Variants in TTC27 observed in about 807,000 individuals in gnomAD.
TTC27 encodes the protein tetratricopeptide repeat domain 27.
Under a neutral mutation model 115.9 loss-of-function variants are expected in TTC27, and 79 were observed. The observed-to-expected ratio is 0.68, with a 90% CI of 0.57 to 0.82. The LOEUF is 0.82. Among genes scored for constraint, TTC27 ranks in the 40% least tolerant of loss-of-function variants. The pLI, the probability that TTC27 is intolerant of heterozygous loss-of-function variation, is 0.00. For synonymous variants in TTC27, 401 were observed against 356.0 expected (o/e 1.13, Z -1.42); for missense variants, 1,054 against 993.1 (o/e 1.06, Z -0.82).
At chr2:32,814,100 T>C (rs759060410) in intron 18 of TTC27, among the ~76,000 whole-genome samples, 2 of 152,202 alleles carry the variant, frequency 1.3e-5, no homozygotes, top group Non-Finnish European at 2.9e-5. Context: ...ATTTATCTTA[T>C]CTACTTCAAC....
chr2:32,738,600 G>A (rs187845375), intron 12 of TTC27, among the ~76,000 whole-genome samples: 1 of 152,322 alleles, frequency 6.6e-6, no homozygotes, highest in Non-Finnish European at 1.5e-5. Context: ...TGGACAAGGT[G>A]TCAGCACTAC....
At chr2:32,700,202 T>A (rs1667136643) in intron 9 of TTC27, among the ~76,000 whole-genome samples, 1 of 152,150 alleles carries the variant, frequency 6.6e-6, no homozygotes, top group African/African-American at 2.4e-5. Context: ...TCCATTAAGC[T>A]TTACTTATTC....
At position 32,751,428 on chromosome 2, in the gene TTC27, C is replaced by G. The variant is rs572085768; in HGVS notation, c.1453-6864C>G. 1.8e-3 allele frequency among the ~76,000 whole-genome samples: 267 copies of G among 152,124 alleles called. 1 individual carries two copies. The highest frequency in any genetic ancestry group is 3.5e-3 in the South Asian group (17 of 4,822). On this transcript the variant is annotated intron_variant, in intron 12 of 19. Transcript: ENST00000317907. ...TACGCTTCAGGGGCTTTTGCTTGGC[C>G]CTTTTTACTGTAGTAGCACTTAGTA...
At chr2:32,804,026 A>G (rs961835262) in intron 16 of TTC27, among the ~76,000 whole-genome samples, 7 of 150,336 alleles carry the variant, frequency 4.7e-5, no homozygotes, top group Non-Finnish European at 1.0e-4. Flanking sequence ...AAAAAAAAAG[A>G]AAAAAATGCA....
At chr2:32,768,147 T>C (rs1669702664) in intron 13 of TTC27, among the ~76,000 whole-genome samples, 1 of 152,230 alleles carries the variant, frequency 6.6e-6, no homozygotes, top group Non-Finnish European at 1.5e-5. Flanking sequence ...ATTATGGAAA[T>C]GTACAAAATT....
chr2:32,714,508 T>A (rs1047896920), intron 10 of TTC27, among the ~76,000 whole-genome samples: 7 of 152,170 alleles, frequency 4.6e-5, no homozygotes, highest in Non-Finnish European at 1.0e-4. Context: ...GAATTTAGGT[T>A]GAGTCCATGC....
At chr2:32,717,404 G>A (rs1407171408) in intron 10 of TTC27, among the ~76,000 whole-genome samples, 2 of 152,172 alleles carry the variant, frequency 1.3e-5, no homozygotes, top group Non-Finnish European at 2.9e-5. Context: ...GCAGTGCTCC[G>A]TGTCTAAGTG....
rs55921488 is a variant in TTC27 at position 32,669,384 on chromosome 2, A to C, written c.939+2616A>C. Among the ~76,000 whole-genome samples the C allele has an allele frequency of 2.3e-3, 356 of 152,374 alleles. 1 individual carries two copies. Among genetic ancestry groups the C allele is most frequent in the African/African-American group, 8.1e-3 (337 of 41,598 alleles). ...CTTGAAGATGGAGAGTACAAGTTGT[A>C]TGCTGTAGGTATGGATTAGATAGAA... is the stretch of plus-strand genomic sequence containing the variant. On this transcript the variant is annotated intron_variant, in intron 7 of 19. Transcript: ENST00000317907.
intron 10 of TTC27, among the ~76,000 whole-genome samples, chr2:32,714,488 C>G (rs1418526906): frequency 6.6e-6 from 1 of 152,142 alleles, no homozygotes; most frequent in Non-Finnish European, 1.5e-5. Context: ...ATTTAGTCTA[C>G]TGTTGATGGG....
intron 9 of TTC27, 45 bp from the exon 10 acceptor site, chr2:32,702,762 T>C (rs1559213188): frequency 7.8e-7 from 1 of 1,290,196 alleles, no homozygotes; most frequent in South Asian, 1.2e-5. Flanking sequence ...TGAGATCACC[T>C]AGCTTATCTC....
chr2:32,754,826 G>GA (rs1346365826), intron 12 of TTC27, among the ~76,000 whole-genome samples: 2 of 67,336 alleles, frequency 3.0e-5, no homozygotes, highest in African/African-American at 9.3e-5. Context: ...CGGGGGGGCT[G>GA]ACCCCCCCCA....
intron 1 of TTC27, 127 bp downstream of exon 1, chr2:32,628,507 G>A (rs925932498): frequency 1.0e-6 from 1 of 973,468 alleles, no homozygotes; most frequent in Non-Finnish European, 1.4e-6. Flanking sequence ...TTGAGGCTTT[G>A]GGTCGTTTAG....
Position 32,817,568 on chromosome 2 carries a change from CAT to C in TTC27, c.2409+12_2409+13del, listed in dbSNP as rs767405498. 6.2e-6 allele frequency: 10 copies of C among 1,603,678 alleles called. No homozygotes were observed. In the East Asian group the frequency reaches 2.0e-4, roughly 32 times the overall value. On this transcript the variant is annotated intron_variant, in intron 19 of 19. Coordinates refer to ENST00000317907, the MANE Select transcript of TTC27 (RefSeq NM_017735.5). The stretch of plus-strand genomic sequence containing the variant: ...TTATCTAAAGCAAAGGTGAGAGTGA[CAT>C]GTGAATTAATTGGAATTGTCATATA...
intron 9 of TTC27, among the ~76,000 whole-genome samples, chr2:32,701,393 A>G (rs1231194961): frequency 6.6e-6 from 1 of 152,226 alleles, no homozygotes; most frequent in African/African-American, 2.4e-5. Flanking sequence ...AAATGAGCAC[A>G]AGTTTATTTA....
At chr2:32,704,344 G>A (rs1398897688) in intron 10 of TTC27, among the ~76,000 whole-genome samples, 1 of 151,900 alleles carries the variant, frequency 6.6e-6, no homozygotes, top group Non-Finnish European at 1.5e-5. Flanking sequence ...ACACCACCAT[G>A]CCCGGCTAAT....
chr2:32,686,515 A>G (rs904842652), intron 9 of TTC27, among the ~76,000 whole-genome samples: 8 of 151,960 alleles, frequency 5.3e-5, no homozygotes, highest in Non-Finnish European at 1.2e-4. Flanking sequence ...GTGAACCACC[A>G]CGCCTAGCTG....
intron 18 of TTC27, among the ~76,000 whole-genome samples, chr2:32,817,106 A>C (rs1329716655): frequency 1.3e-5 from 2 of 152,132 alleles, no homozygotes; most frequent in South Asian, 2.1e-4. Context: ...TTAAAGAAGG[A>C]TAGAGAAAGG....
intron 12 of TTC27, among the ~76,000 whole-genome samples, chr2:32,739,369 A>G (rs978182003): frequency 6.6e-6 from 1 of 152,234 alleles, no homozygotes; most frequent in African/African-American, 2.4e-5. Flanking sequence ...TTATTTTTAG[A>G]AAGTATGGAA....
intron 4 of TTC27, among the ~76,000 whole-genome samples, chr2:32,644,872 C>CTTTTT (rs35904079): frequency 1.2e-5 from 1 of 83,328 alleles, no homozygotes; most frequent in African/African-American, 4.5e-5. Context: ...TTCCTTTCTG[C>CTTTTT]TTTTTTTTTT....
Sources: gnomAD v4.1 joint callset for allele counts (sites outside exome capture counted in the v4.1 genomes callset) on GRCh38, gnomAD v4.1.1 for gene constraint, MANE v1.5 for transcripts, NCBI Gene and HGNC (gene_info 2026-07-23, HGNC 2026-07-21) for gene names.